ZSWIM6: variants seen among roughly 807,000 people sequenced by gnomAD.
The protein encoded by ZSWIM6 is zinc finger SWIM domain-containing protein 6.
ZSWIM6 carries 9 observed loss-of-function variants against 113.2 expected under a neutral mutation model. The observed-to-expected ratio is 0.08, with a 90% CI of 0.05 to 0.14. ZSWIM6 has a LOEUF of 0.14. ZSWIM6 is among the 10% of genes least tolerant of loss of function. The pLI is 1.00. For synonymous variants in ZSWIM6, 611 were observed against 606.5 expected (o/e 1.01, Z -0.11); for missense variants, 1,162 against 1,552.2 (o/e 0.75, Z 4.22).
chr5:61,497,322 A>G (rs142612084), intron 4 of ZSWIM6, among the ~76,000 whole-genome samples: 2 of 152,292 alleles, frequency 1.3e-5, no homozygotes, highest in Admixed American at 1.3e-4. Context: ...ATGAAAATTT[A>G]AATGTTGATG....
At position 61,472,585 on chromosome 5, in the gene ZSWIM6, G is replaced by C; in HGVS notation, c.677-96G>C. On this transcript the variant is annotated intron_variant, in intron 1 of 13. Coordinates refer to ENST00000252744, the MANE Select transcript of ZSWIM6 (RefSeq NM_020928.2). This position sits in a 1 kb window ranked among gnomAD's most constrained non-coding sequence, Gnocchi z 4.1. ...ATAGAGGCTGTCATATTTTTTTCTT[G>C]CTGCTGTCAAGTCCCACACATTTCA... is the stretch of plus-strand genomic sequence containing the variant. The C allele has an allele frequency of 1.1e-6, 1 of 944,570 alleles. No homozygotes were observed. The highest frequency in any genetic ancestry group is 1.5e-6 in the Non-Finnish European group (1 of 670,514). The allele number at this position is 944,570 out of a possible 1,614,324, so 58.5% of individuals were successfully genotyped here.
At chr5:61,373,303 A>G (rs1302094094) in intron 1 of ZSWIM6, among the ~76,000 whole-genome samples, 1 of 150,850 alleles carries the variant, frequency 6.6e-6, no homozygotes, top group Non-Finnish European at 1.5e-5. Context: ...GTCAGTCACC[A>G]CTGGGTCTTT....
chr5:61,363,651 A>G (rs1745078375), intron 1 of ZSWIM6, among the ~76,000 whole-genome samples: 1 of 152,200 alleles, frequency 6.6e-6, no homozygotes, highest in African/African-American at 2.4e-5. Context: ...GCTATCAAGG[A>G]TGGACGTAAA....
chr5:61,433,472 G>GT (rs1160963718), intron 1 of ZSWIM6, among the ~76,000 whole-genome samples: 2 of 130,900 alleles, frequency 1.5e-5, no homozygotes, highest in Admixed American at 1.5e-4. Context: ...TATAGACTTA[G>GT]TTGTTTTTTT....
chr5:61,451,253 G>A (rs1747082666), intron 1 of ZSWIM6, among the ~76,000 whole-genome samples: 1 of 152,194 alleles, frequency 6.6e-6, no homozygotes, highest in African/African-American at 2.4e-5. Context: ...GCTTCAGGAA[G>A]TCAGGATACC....
chr5:61,333,043 C>T (rs1744300349), intron 1 of ZSWIM6, 95 bp downstream of exon 1: 1 of 1,042,918 alleles, frequency 9.6e-7, no homozygotes, highest in Non-Finnish European at 1.2e-6. Flanking sequence ...GCCCCTAGTT[C>T]CGCGCGCGCC....
intron 4 of ZSWIM6, among the ~76,000 whole-genome samples, chr5:61,509,677 A>G (rs1157912535): frequency 1.3e-5 from 2 of 152,198 alleles, no homozygotes; most frequent in East Asian, 3.9e-4. Context: ...CAGGAAAACA[A>G]AACACATTTA....
intron 12 of ZSWIM6, 91 bp from the exon 13 acceptor site, chr5:61,541,793 A>G: frequency 1.1e-6 from 1 of 944,684 alleles, no homozygotes; most frequent in Non-Finnish European, 1.6e-6. Context: ...GACAGTAGGT[A>G]TGCCTTATAT....
chr5:61,423,284 T>G (rs1365898799), intron 1 of ZSWIM6, among the ~76,000 whole-genome samples: 4 of 152,002 alleles, frequency 2.6e-5, no homozygotes, highest in Admixed American at 1.3e-4. Flanking sequence ...GGCGGATGCC[T>G]GTAATCCCAG....
intron 1 of ZSWIM6, among the ~76,000 whole-genome samples, chr5:61,432,616 C>T (rs1746610833): frequency 6.6e-6 from 1 of 152,206 alleles, no homozygotes; most frequent in African/African-American, 2.4e-5. Context: ...TATCCTGCCC[C>T]ATGAACAACT....
chr5:61,364,310 C>G (rs952672932), intron 1 of ZSWIM6, among the ~76,000 whole-genome samples: 1 of 152,152 alleles, frequency 6.6e-6, no homozygotes, highest in African/African-American at 2.4e-5. Flanking sequence ...TTTGCATATA[C>G]ATGCTTGAAT....
chr5:61,380,741 T>C (rs1218562294), intron 1 of ZSWIM6, among the ~76,000 whole-genome samples: 2 of 152,222 alleles, frequency 1.3e-5, no homozygotes, highest in Non-Finnish European at 2.9e-5. Flanking sequence ...CTGTTGACTT[T>C]TGCTCTCTTT....
At chr5:61,347,842 A>C (rs1302021225) in intron 1 of ZSWIM6, 1 of 152,214 alleles carries the variant, frequency 6.6e-6, no homozygotes, top group East Asian at 1.9e-4. Context: ...CGGCAAAATA[A>C]GTGTCATAGT....
intron 10 of ZSWIM6, among the ~76,000 whole-genome samples, chr5:61,536,900 C>T (rs1198111844): frequency 6.6e-6 from 1 of 152,172 alleles, no homozygotes; most frequent in Admixed American, 6.5e-5. Context: ...AGTCCCCCAC[C>T]AAATTACATT....
At chr5:61,390,864 TC>T in intron 1 of ZSWIM6, 1 of 875,504 alleles carries the variant, frequency 1.1e-6, no homozygotes, top group Non-Finnish European at 1.9e-6. Flanking sequence ...CTTCTTGGTG[TC>T]CACCACACAG....
At chr5:61,492,995 AC>A (rs1477004174) in intron 3 of ZSWIM6, among the ~76,000 whole-genome samples, 2 of 152,130 alleles carry the variant, frequency 1.3e-5, no homozygotes, top group Non-Finnish European at 2.9e-5. Context: ...CTTATTGAAT[AC>A]ATAGCAGTAT....
intron 1 of ZSWIM6, 61 bp downstream of exon 1, chr5:61,333,009 G>GGGCCCCCCCCCC: frequency 4.5e-6 from 2 of 439,838 alleles, no homozygotes; most frequent in Non-Finnish European, 6.4e-6. Flanking sequence ...TGGGGGGGGG[G>GGGCCCCCCCCCC]TGCCCGCCTT....
At chr5:61,445,854 C>T (rs1211147890) in intron 1 of ZSWIM6, among the ~76,000 whole-genome samples, 1 of 152,086 alleles carries the variant, frequency 6.6e-6, no homozygotes, top group African/African-American at 2.4e-5. Context: ...ACAGTGTTAT[C>T]CAGAGCCTAG....
chr5:61,332,686 C>T lies in ZSWIM6; in HGVS notation c.414C>T (p.Gly138=), dbSNP rs752232320. 2.8e-6 allele frequency: 3 copies of T among 1,068,998 alleles called. No homozygotes were observed. The highest frequency in any genetic ancestry group is 3.5e-6 in the Non-Finnish European group (3 of 868,446). The allele number at this position is 1,068,998 out of a possible 1,614,324, so 66.2% of individuals were successfully genotyped here. ...GCGGCGGCGCCGCGGGCGGCCCCGG[C>T]GACGACAGCGGTGGCGGCGGCGGCG... ...NTGGGAAGGP[G]DDSGGGGGAG... is the part of the protein sequence containing the mutation. Residue 138 remains glycine, a synonymous_variant, in exon 1 of 14, where the codon GGC becomes GGT. Coordinates refer to ENST00000252744, the MANE Select transcript of ZSWIM6 (RefSeq NM_020928.2).
Sources: allele counts gnomAD v4.1 joint callset (sites outside exome capture counted in the v4.1 genomes callset), GRCh38; gene constraint gnomAD v4.1.1; non-coding constraint Gnocchi (gnomAD v3.1); transcripts MANE v1.5; gene names NCBI Gene and HGNC (gene_info 2026-07-23, HGNC 2026-07-21).